The following PHAF1 variants were observed in gnomAD, a reference collection of about 807,000 sequenced individuals.
PHAF1 encodes phagosome assembly factor 1.
PHAF1 carries 23 observed loss-of-function variants against 63.1 expected under a neutral mutation model. That is an observed-to-expected ratio of 0.36 (90% confidence interval 0.26 to 0.52). The LOEUF (loss-of-function observed/expected upper bound fraction) is 0.52. PHAF1 is among the 20% of genes least tolerant of loss of function. The pLI, the probability that PHAF1 is intolerant of heterozygous loss-of-function variation, is 0.93. For synonymous variants in PHAF1, 167 were observed against 185.0 expected (o/e 0.90, Z 0.79); for missense variants, 427 against 517.2 (o/e 0.83, Z 1.69).
intron 6 of PHAF1, 99 bp from the exon 7 acceptor site, chr16:67,134,069 C>A: frequency 9.7e-7 from 1 of 1,035,164 alleles, no homozygotes; most frequent in Non-Finnish European, 1.5e-6. Flanking sequence ...GACCCTTTGA[C>A]CTGAGCAGCT....
chr16:67,121,194 CTT>C (rs558148750), intron 2 of PHAF1, among the ~76,000 whole-genome samples: 6 of 142,660 alleles, frequency 4.2e-5, no homozygotes, highest in Non-Finnish European at 4.6e-5. Flanking sequence ...GCAGGGGTTT[CTT>C]TTTTTTTTTT....
rs1169960632 is a variant in PHAF1 at position 67,137,154 on chromosome 16, C to CA, written c.661+2702dup. Reference sequence around the variant, plus strand: ...TGAGCGACAGAGCAAGACTCCTTCTCAAAAAAAAAAAAAAAGAATCTGGTA... The same window carrying CA: ...TGAGCGACAGAGCAAGACTCCTTCTCAAAAAAAAAAAAAAAAGAATCTGGTA... On this transcript the variant is annotated intron_variant, in intron 8 of 15. Transcript: ENST00000219139. Among the ~76,000 whole-genome samples the CA allele has an allele frequency of 9.7e-3, 1,034 of 107,066 alleles. 8 individuals are homozygous for CA. Among genetic ancestry groups the CA allele is most frequent in the African/African-American group, 0.019 (539 of 28,694 alleles). The allele number at this position is 107,066 out of a possible 152,430, so 70.2% of individuals were successfully genotyped here. A position where few individuals can be genotyped will look rare whatever the true frequency, so the allele number is the denominator to read the frequency against.
At chr16:67,145,320 G>A (rs1457860594) in intron 12 of PHAF1, 56 bp from the exon 13 acceptor site, 17 of 1,596,056 alleles carry the variant, frequency 1.1e-5, no homozygotes, top group Admixed American at 6.8e-5. Flanking sequence ...CCTAGGGCTG[G>A]GGCCACAGGT....
chr16:67,142,298 G>A (rs1160091338), intron 10 of PHAF1, among the ~76,000 whole-genome samples: 1 of 152,204 alleles, frequency 6.6e-6, no homozygotes, highest in Non-Finnish European at 1.5e-5. Context: ...GGGAGGAAGT[G>A]CATGCTGATT....
chr16:67,144,768 G>A, intron 11 of PHAF1, 66 bp from the exon 12 acceptor site: 1 of 1,540,590 alleles, frequency 6.5e-7, no homozygotes, highest in Non-Finnish European at 9.0e-7. Context: ...GGGGTGTGGG[G>A]TTGGAATATG....
At chr16:67,141,703 G>A (rs1022130732) in intron 10 of PHAF1, among the ~76,000 whole-genome samples, 2 of 152,230 alleles carry the variant, frequency 1.3e-5, no homozygotes, top group African/African-American at 2.4e-5. Context: ...ACGTAAGGGT[G>A]AGGCTAGATC....
intron 1 of PHAF1, among the ~76,000 whole-genome samples, chr16:67,115,374 C>G (rs567923246): frequency 6.6e-6 from 1 of 152,318 alleles, no homozygotes; most frequent in East Asian, 1.9e-4. Context: ...CAAGAGGCAG[C>G]TTTGGGTAGA....
intron 10 of PHAF1, among the ~76,000 whole-genome samples, chr16:67,141,559 A>C (rs1963810459): frequency 6.6e-6 from 1 of 152,198 alleles, no homozygotes; most frequent in Non-Finnish European, 1.5e-5. Context: ...ATGCCTGCCA[A>C]GGGCAAGCCA....
intron 12 of PHAF1, 110 bp from the exon 13 acceptor site, chr16:67,145,266 T>G: frequency 8.0e-7 from 1 of 1,243,720 alleles, no homozygotes. Context: ...ATCCTCCCCA[T>G]GTACTCCAAC....
chr16:67,139,999 T>G lies in PHAF1; in HGVS notation c.677T>G (p.Leu226Arg). The change falls in exon 9 of 16, where the codon CTA becomes CGA. Residue 226 changes from leucine (L) to arginine (R), a missense_variant. Leu to Arg is a moderately radical substitution (Grantham distance 102). Coordinates refer to ENST00000219139, the MANE Select transcript of PHAF1 (RefSeq NM_025187.5). ...RLLAAGCGPG[L>R]LADAKMRVFE... ...TTTTTTGCAGGTTGTGGACCTGGCC[T>G]ATTAGCAGATGCCAAGATGCGGGTA... 1 of 1,614,150 alleles carries G rather than the reference T, an allele frequency of 6.2e-7. No homozygotes were observed. Among genetic ancestry groups the G allele is most frequent in the Non-Finnish European group, 8.5e-7 (1 of 1,180,020 alleles).
chr16:67,122,632 C>G (rs1268535798), intron 2 of PHAF1, among the ~76,000 whole-genome samples: 1 of 149,882 alleles, frequency 6.7e-6, no homozygotes, highest in Non-Finnish European at 1.5e-5. Flanking sequence ...CTCTGCTTTT[C>G]TCATTTCTAA....
In PHAF1 at chr16:67,147,202, C is replaced by T; in HGVS notation, c.*71C>T. ...CATCCTGCTCAGTGGGCCTCTGTACCACCCTGTGGGTTTTCTTGGACACCT... is the reference window on the plus strand; with the variant it reads ...CATCCTGCTCAGTGGGCCTCTGTACTACCCTGTGGGTTTTCTTGGACACCT... On this transcript the variant is annotated 3_prime_UTR_variant, in exon 16 of 16. Transcript: ENST00000219139. The T allele has an allele frequency of 1.4e-6, 2 of 1,443,434 alleles. No homozygotes were observed. The highest frequency in any genetic ancestry group is 1.2e-5 in the South Asian group (1 of 85,240). The allele number at this position is 1,443,434 out of a possible 1,614,324, so 89.4% of individuals were successfully genotyped here.
chr16:67,144,375 A>T lies in PHAF1; in HGVS notation c.961A>T (p.Ile321Phe), dbSNP rs764950664. ...TNYPGHYNFNIYHRCEFKIPL... is the reference protein window; with the variant it reads ...TNYPGHYNFNFYHRCEFKIPL... ...TTACCCTGGGCATTATAATTTCAAC[A>T]TGTGAGTACACCTGTCTGTACCTCC... Residue 321 changes from isoleucine (I) to phenylalanine (F), a missense_variant and splice_region_variant, in exon 11 of 16, where the codon ATT becomes TTT. By Grantham distance (21) the Ile-to-Phe change is conservative. Coordinates refer to ENST00000219139, the MANE Select transcript of PHAF1 (RefSeq NM_025187.5). 1 of 1,596,388 alleles carries T rather than the reference A, an allele frequency of 6.3e-7. No homozygotes were observed. Among genetic ancestry groups the T allele is most frequent in the Non-Finnish European group, 8.6e-7 (1 of 1,163,900 alleles).
chr16:67,114,764 G>A (rs1962670141), intron 1 of PHAF1, among the ~76,000 whole-genome samples: 1 of 152,162 alleles, frequency 6.6e-6, no homozygotes, highest in South Asian at 2.1e-4. Context: ...GTGGAAAAAA[G>A]GATATGTATT....
intron 15 of PHAF1, among the ~76,000 whole-genome samples, chr16:67,146,731 C>T (rs1405297662): frequency 6.6e-6 from 1 of 152,178 alleles, no homozygotes; most frequent in African/African-American, 2.4e-5. Flanking sequence ...GAGTGAGTGG[C>T]TCTGGAGGCC....
chr16:67,131,253 C>A, intron 3 of PHAF1, 33 bp from the exon 4 acceptor site: 5 of 1,316,016 alleles, frequency 3.8e-6, no homozygotes, highest in South Asian at 1.3e-5. Flanking sequence ...TCATCACTTT[C>A]AGAGCATTGA....
intron 11 of PHAF1, 52 bp from the exon 12 acceptor site, chr16:67,144,782 G>A: frequency 1.3e-6 from 2 of 1,582,094 alleles, no homozygotes; most frequent in South Asian, 2.2e-5. Flanking sequence ...GAATATGGGA[G>A]TGGCCAGGCC....
In PHAF1 at chr16:67,109,950, C is replaced by G. The variant is rs903261888; in HGVS notation, c.-226C>G. ...GCACGCCACTTTTACTGCAGTCGCG[C>G]CCGCCGCCGTCGTTGCCCCCGCTGC... is the stretch of plus-strand genomic sequence containing the variant. On this transcript the variant is annotated 5_prime_UTR_variant, in exon 1 of 16. Transcript: ENST00000219139. 2.7e-5 allele frequency: 14 copies of G among 523,392 alleles called. No individual in the cohort carries two copies. The highest frequency in any genetic ancestry group is 4.4e-5 in the Non-Finnish European group (13 of 298,202). The allele number at this position is 523,392 out of a possible 1,614,324, so 32.4% of individuals were successfully genotyped here. A position where few individuals can be genotyped will look rare whatever the true frequency, so the allele number is the denominator to read the frequency against.
intron 11 of PHAF1, among the ~76,000 whole-genome samples, 194 bp from the exon 12 acceptor site, chr16:67,144,640 C>T (rs1240484826): frequency 1.3e-5 from 2 of 152,292 alleles, no homozygotes; most frequent in Admixed American, 6.5e-5. Context: ...CTCTCCAGAA[C>T]CCAGGGCCAA....
Sources: gnomAD v4.1 joint callset for allele counts (sites outside exome capture counted in the v4.1 genomes callset) on GRCh38, gnomAD v4.1.1 for gene constraint, MANE v1.5 for transcripts, NCBI Gene and HGNC (gene_info 2026-07-23, HGNC 2026-07-21) for gene names.